The following SEC23IP variants were observed in gnomAD, a reference collection of about 807,000 sequenced individuals.
The protein encoded by SEC23IP is SEC23 interacting protein, also known as SEC23-interacting protein.
In SEC23IP, 70 loss-of-function variants were observed where a neutral mutation model predicts 113.4. The ratio of observed to expected loss-of-function variants is 0.62; its 90% CI spans 0.51 to 0.75. The LOEUF is 0.75. Ranked by LOEUF, SEC23IP falls within the 30% of genes least tolerant of loss-of-function variation. SEC23IP has a pLI of 0.00. For synonymous variants in SEC23IP, 398 were observed against 421.0 expected, an observed-to-expected ratio of 0.95 and a Z score of 0.67; for missense variants, 1,160 against 1,204.9, an observed-to-expected ratio of 0.96 and a Z score of 0.55.
At chr10:119,922,475 AG>A (rs1855280799) in intron 12 of SEC23IP, among the ~76,000 whole-genome samples, 1 of 152,216 alleles carries the variant, frequency 6.6e-6, no homozygotes, top group African/African-American at 2.4e-5. Context: ...GTTATGATTT[AG>A]CACCAAATCA....
chr10:119,914,001 T>C (rs961709552), intron 6 of SEC23IP, among the ~76,000 whole-genome samples: 3 of 151,676 alleles, frequency 2.0e-5, no homozygotes, highest in Non-Finnish European at 4.4e-5. Context: ...AAAAAATACA[T>C]ATATAAAAAT....
At chr10:119,939,210 T>C (rs1313813592) in intron 18 of SEC23IP, among the ~76,000 whole-genome samples, 3 of 151,726 alleles carry the variant, frequency 2.0e-5, no homozygotes, top group Non-Finnish European at 4.4e-5. Flanking sequence ...TCCCAGCAAC[T>C]TGGGAGGCTG....
chr10:119,917,454 C>T (rs1855090659), intron 8 of SEC23IP, among the ~76,000 whole-genome samples: 1 of 151,710 alleles, frequency 6.6e-6, no homozygotes, highest in Non-Finnish European at 1.5e-5. Flanking sequence ...TCTCAGCTCA[C>T]TGCAACCTCT....
intron 1 of SEC23IP, among the ~76,000 whole-genome samples, chr10:119,894,733 A>G (rs1217490525): frequency 1.3e-5 from 2 of 152,104 alleles, no homozygotes; most frequent in Non-Finnish European, 2.9e-5. Context: ...GGGTTTTCTA[A>G]TTATCCTCTG....
Position 119,929,613 on chromosome 10 carries a change from G to A in SEC23IP, c.2320G>A (p.Val774Ile). The A allele has an allele frequency of 6.2e-7, 1 of 1,606,248 alleles. No homozygotes were observed. Among genetic ancestry groups the A allele is most frequent in the Non-Finnish European group, 8.5e-7 (1 of 1,174,974 alleles). ...SFEVGAGQVS[V>I]AYNSLDFEPE... is the part of the protein sequence containing the mutation. ...GTTATTTGATTCTTTCCAGGTTTCT[G>A]TTGCTTACAACTCATTAGATTTTGA... Residue 774 changes from valine to isoleucine, a missense_variant, in exon 14 of 19, where the codon GTT becomes ATT. Physicochemically the swap from Val to Ile is conservative, Grantham distance 29 (BLOSUM62 3). Transcript: ENST00000369075.
chr10:119,907,437 A>G (rs1854711636), intron 4 of SEC23IP, among the ~76,000 whole-genome samples: 1 of 152,218 alleles, frequency 6.6e-6, no homozygotes, highest in Non-Finnish European at 1.5e-5. Flanking sequence ...AGACTTTGTA[A>G]CAATTTTTAC....
At chr10:119,926,425 G>T (rs1268469213) in intron 13 of SEC23IP, among the ~76,000 whole-genome samples, 198 bp downstream of exon 13, 1 of 152,160 alleles carries the variant, frequency 6.6e-6, no homozygotes, top group Non-Finnish European at 1.5e-5. Flanking sequence ...AGAACGTGTT[G>T]TCTAACTTTT....
chr10:119,932,546 G>A (rs1403997859), intron 16 of SEC23IP, among the ~76,000 whole-genome samples: 1 of 151,996 alleles, frequency 6.6e-6, no homozygotes, highest in Non-Finnish European at 1.5e-5. Context: ...TTTTTCCTCT[G>A]CAATTTAAAA....
rs535123482 is a variant in SEC23IP, at chr10:119,944,591, C to T, written c.*4026C>T. The T allele has an allele frequency of 3.9e-5, 6 of 152,256 alleles. No individual in the cohort carries two copies. Among genetic ancestry groups the T allele is most frequent in the Non-Finnish European group, 8.8e-5 (6 of 68,034 alleles). 9.4% of individuals were successfully genotyped at this position (152,256 alleles called of 1,614,324 possible). A position where few individuals can be genotyped will look rare whatever the true frequency, so the allele number is the denominator to read the frequency against. On this transcript the variant is annotated 3_prime_UTR_variant, in exon 19 of 19. Coordinates refer to ENST00000369075, the MANE Select transcript of SEC23IP (RefSeq NM_007190.4). Reference sequence around the variant, plus strand: ...ACTGAAGAAATTATGTTGTTAAGCACGAAATGCAGAGAGAGAGCTATGTGA... The same window carrying T: ...ACTGAAGAAATTATGTTGTTAAGCATGAAATGCAGAGAGAGAGCTATGTGA...
At chr10:119,907,504 T>G (rs530705256) in intron 4 of SEC23IP, among the ~76,000 whole-genome samples, 3 of 152,176 alleles carry the variant, frequency 2.0e-5, no homozygotes, top group Non-Finnish European at 4.4e-5. Flanking sequence ...TGCCAGAGGC[T>G]CCCTCTTACT....
intron 1 of SEC23IP, among the ~76,000 whole-genome samples, chr10:119,895,301 T>C (rs1386159455): frequency 1.3e-5 from 2 of 152,118 alleles, no homozygotes; most frequent in African/African-American, 4.8e-5. Context: ...TGAGAATCGC[T>C]TGAGGAGGAG....
At chr10:119,936,444 G>A (rs561488356) in intron 18 of SEC23IP, among the ~76,000 whole-genome samples, 9 of 150,582 alleles carry the variant, frequency 6.0e-5, no homozygotes, top group Middle Eastern at 3.4e-3. Flanking sequence ...TTGGGAGGCC[G>A]AGGCAGGAGG....
intron 4 of SEC23IP, among the ~76,000 whole-genome samples, chr10:119,906,527 ATACT>A (rs1407000827): frequency 3.3e-5 from 5 of 152,094 alleles, no homozygotes; most frequent in Admixed American, 2.6e-4. Context: ...TTACCAGATA[ATACT>A]TACTATAAAG....
intron 2 of SEC23IP, among the ~76,000 whole-genome samples, chr10:119,901,044 T>TC (rs1554911999): frequency 4.7e-5 from 2 of 42,994 alleles, no homozygotes; most frequent in Non-Finnish European, 8.3e-5. Context: ...TTTTAAAGAG[T>TC]GGGGGGGGGG....
intron 1 of SEC23IP, among the ~76,000 whole-genome samples, chr10:119,897,824 T>G (rs959958118): frequency 1.3e-5 from 2 of 151,062 alleles, no homozygotes; most frequent in African/African-American, 2.4e-5. Context: ...ATGGTGAAAC[T>G]TCATCTCTAC....
chr10:119,898,387 G>A (rs756389039), intron 1 of SEC23IP, 40 bp from the exon 2 acceptor site: 1 of 1,563,964 alleles, frequency 6.4e-7, no homozygotes, highest in Admixed American at 1.9e-5. Context: ...CGGAGTGATA[G>A]AGTACCCTTT....
At position 119,930,401 on chromosome 10, in the gene SEC23IP, C is replaced by A. The variant is rs771064368; in HGVS notation, c.2542C>A (p.His848Asn). 36 of 1,610,928 alleles carry A rather than the reference C, an allele frequency of 2.2e-5. No homozygotes were observed. The highest frequency in any genetic ancestry group is 3.1e-5 in the Non-Finnish European group (36 of 1,177,648). The change falls in exon 15 of 19, where the codon CAT (histidine) becomes AAT (asparagine). Residue 848 changes from histidine (H) to asparagine (N), a missense_variant. Physicochemically the swap from His to Asn is moderately conservative, Grantham distance 68 (BLOSUM62 1). Coordinates refer to ENST00000369075, the MANE Select transcript of SEC23IP (RefSeq NM_007190.4). ...DLDLKAVLIPHHKGRKRLHLE... is the reference protein window; with the variant it reads ...DLDLKAVLIPNHKGRKRLHLE... ...GGACCTAAAAGCTGTTCTCATTCCA[C>A]ATCACAAAGGCAGAAAAAGACTTCA... is the stretch of plus-strand genomic sequence containing the variant.
rs1167347112 is a variant in SEC23IP, at chr10:119,941,685, T to A, written c.*1120T>A. The A allele has an allele frequency of 6.5e-6, 1 of 152,710 alleles. No homozygotes were observed. Among genetic ancestry groups the A allele is most frequent in the Non-Finnish European group, 1.5e-5 (1 of 68,054 alleles). 9.5% of individuals were successfully genotyped at this position (152,710 alleles called of 1,614,324 possible). On this transcript the variant is annotated 3_prime_UTR_variant, in exon 19 of 19. Coordinates refer to ENST00000369075, the MANE Select transcript of SEC23IP (RefSeq NM_007190.4). ...TGATACACATTTTTTGTGTATGTATTCTAATTAGTGTGAATAAAGCAGTAA... is the reference window on the plus strand; with the variant it reads ...TGATACACATTTTTTGTGTATGTATACTAATTAGTGTGAATAAAGCAGTAA...
Position 119,892,916 on chromosome 10 carries a change from C to T in SEC23IP, c.134C>T (p.Ala45Val). Residue 45 changes from alanine (A) to valine (V), a missense_variant, in exon 1 of 19, where the codon GCT (alanine) becomes GTT (valine). By Grantham distance (64) the Ala-to-Val change is moderately conservative (BLOSUM62 0). Transcript: ENST00000369075. ...TTCATCCCAGTCACCCAGGCCTCCG[C>T]TTCTCCGGCCTCCCTGCTCTTACCG... ...VPFIPVTQAS[A>V]SPASLLLPGE... 1 of 1,613,396 alleles carries T rather than the reference C, an allele frequency of 6.2e-7. No individual in the cohort carries two copies.
Sources: gnomAD v4.1 joint callset for allele counts (sites outside exome capture counted in the v4.1 genomes callset) on GRCh38, gnomAD v4.1.1 for gene constraint, MANE v1.5 for transcripts, NCBI Gene and HGNC (gene_info 2026-07-23, HGNC 2026-07-21) for gene names.